Variants in SNX29 observed in about 807,000 individuals in gnomAD.
SNX29 encodes sorting nexin-29.
Under a neutral mutation model 102.1 loss-of-function variants are expected in SNX29, and 78 were observed. The ratio of observed to expected loss-of-function variants is 0.76; its 90% CI spans 0.64 to 0.92. The LOEUF (loss-of-function observed/expected upper bound fraction) is 0.92. Ranked by LOEUF, SNX29 falls within the 40% of genes least tolerant of loss-of-function variation. SNX29 has a pLI of 0.00. For synonymous variants in SNX29, 580 were observed against 414.5 expected (o/e 1.40, Z -4.85); for missense variants, 1,280 against 1,061.7 (o/e 1.21, Z -2.86).
chr16:12,321,204 C>A (rs975595239), intron 15 of SNX29, among the ~76,000 whole-genome samples: 1 of 152,166 alleles, frequency 6.6e-6, no homozygotes, highest in African/African-American at 2.4e-5. Context: ...AGTTACCACT[C>A]CTGCTCAGAC....
At chr16:12,079,393 A>C (rs753016934) in intron 11 of SNX29, among the ~76,000 whole-genome samples, 77 of 152,222 alleles carry the variant, frequency 5.1e-4, no homozygotes, top group Non-Finnish European at 8.8e-4. Context: ...GGCTTTGTAT[A>C]ACAAAGAATA....
At chr16:12,418,033 C>G (rs1469854199) in intron 18 of SNX29, among the ~76,000 whole-genome samples, 1 of 152,110 alleles carries the variant, frequency 6.6e-6, no homozygotes, top group Non-Finnish European at 1.5e-5. Flanking sequence ...CTCTGGGAAC[C>G]ACATGCAAAT....
intron 14 of SNX29, among the ~76,000 whole-genome samples, chr16:12,259,207 G>C (rs1405410827): frequency 3.9e-5 from 6 of 152,130 alleles, no homozygotes; most frequent in Non-Finnish European, 8.8e-5. Flanking sequence ...ATATCGTTCC[G>C]ATTTGTCAAG....
intron 14 of SNX29, among the ~76,000 whole-genome samples, chr16:12,209,582 C>G (rs1370729739): frequency 6.6e-6 from 1 of 152,178 alleles, no homozygotes; most frequent in Non-Finnish European, 1.5e-5. Context: ...CCTGGTGGGG[C>G]TCAACGGCTC....
chr16:12,468,815 C>T (rs940082925), intron 18 of SNX29, among the ~76,000 whole-genome samples: 1 of 152,196 alleles, frequency 6.6e-6, no homozygotes, highest in African/African-American at 2.4e-5. Flanking sequence ...AGGAGGAGTA[C>T]ACACCCTCAA....
rs1362637 is a variant in SNX29, at chr16:12,544,340, C to G, written c.2318+19499C>G. ...CCCAAAGTCATGAGGCAGGAAAAGT[C>G]AGTACTGTTGGAAAGGAGAAGTGAT... On this transcript the variant is annotated intron_variant, in intron 20 of 20. Transcript: ENST00000566228. Among the ~76,000 whole-genome samples, 656 of 152,250 alleles carry G rather than the reference C, an allele frequency of 4.3e-3. 6 individuals carry two copies. The highest frequency in any genetic ancestry group is 0.015 in the African/African-American group (621 of 41,544).
intron 18 of SNX29, among the ~76,000 whole-genome samples, chr16:12,412,058 G>T (rs2084417907): frequency 6.6e-6 from 1 of 152,196 alleles, no homozygotes; most frequent in African/African-American, 2.4e-5. Context: ...CTGGCACCTG[G>T]TGGGGAGACA....
intron 15 of SNX29, among the ~76,000 whole-genome samples, chr16:12,294,579 G>A (rs968650714): frequency 3.9e-5 from 6 of 152,202 alleles, no homozygotes; most frequent in East Asian, 3.9e-4. Context: ...TCATGCTGCC[G>A]CCATCATGGT....
intron 19 of SNX29, among the ~76,000 whole-genome samples, chr16:12,484,895 G>T (rs963662595): frequency 1.3e-5 from 2 of 152,184 alleles, no homozygotes; most frequent in African/African-American, 2.4e-5. Flanking sequence ...CTCTGCACCA[G>T]CATGGAAGCT....
At chr16:12,070,274 CCATTAACTCGT>C (rs2051234481) in intron 10 of SNX29, among the ~76,000 whole-genome samples, 1 of 150,148 alleles carries the variant, frequency 6.7e-6, no homozygotes, top group African/African-American at 2.5e-5. Context: ...TGTGCTGCAC[CCATTAACTCGT>C]CATTTAGCAT....
At chr16:12,375,647 T>C (rs1597135452) in intron 16 of SNX29, 1 of 152,398 alleles carries the variant, frequency 6.6e-6, no homozygotes, top group East Asian at 1.9e-4. Flanking sequence ...CTCGGTTTCT[T>C]GCCTATCCAG....
intron 13 of SNX29, chr16:12,135,445 G>T (rs2054624594): frequency 8.4e-7 from 1 of 1,192,798 alleles, no homozygotes; most frequent in Non-Finnish European, 1.1e-6. Context: ...CTCCATCCAT[G>T]AGGGCTTTAC....
intron 8 of SNX29, among the ~76,000 whole-genome samples, chr16:12,058,789 C>T (rs370349847): frequency 4.9e-5 from 7 of 143,108 alleles, no homozygotes; most frequent in African/African-American, 7.9e-5. Context: ...CCACAGCACC[C>T]GGCCTGGGTT....
rs2079226333 is a variant in SNX29, at chr16:12,573,306, C to T, written c.*4677C>T. On this transcript the variant is annotated 3_prime_UTR_variant, in exon 21 of 21. Coordinates refer to ENST00000566228, the MANE Select transcript of SNX29 (RefSeq NM_032167.5). ...CCATGAGCCATTGCCATCTTATGGG[C>T]CCGATTTGGGTACTCTGAATTATGT... The T allele has an allele frequency of 4.4e-6, 1 of 226,774 alleles. No homozygotes were observed. The highest frequency in any genetic ancestry group is 5.7e-5 in the Admixed American group (1 of 17,528). The allele number at this position is 226,774 out of a possible 1,614,324, so 14.0% of individuals were successfully genotyped here. A position where few individuals can be genotyped will look rare whatever the true frequency, so the allele number is the denominator to read the frequency against.
At chr16:12,271,337 G>A (rs550197619) in intron 14 of SNX29, among the ~76,000 whole-genome samples, 5 of 152,300 alleles carry the variant, frequency 3.3e-5, no homozygotes, top group East Asian at 1.9e-4. Context: ...TGTTGGCTGC[G>A]TGCATCAGTT....
At chr16:12,023,151 C>T (rs1212186351) in intron 3 of SNX29, among the ~76,000 whole-genome samples, 1 of 152,064 alleles carries the variant, frequency 6.6e-6, no homozygotes, top group African/African-American at 2.4e-5. Flanking sequence ...CCTGCCTTGG[C>T]CTCCCAAAGT....
At position 12,245,131 on chromosome 16, in the gene SNX29, G is replaced by A. The variant is rs547712841; in HGVS notation, c.1679-32802G>A. Among the ~76,000 whole-genome samples the A allele has an allele frequency of 7.0e-4, 106 of 152,268 alleles. 1 individual carries two copies. Among genetic ancestry groups the A allele is most frequent in the African/African-American group, 2.3e-3 (97 of 41,552 alleles). On this transcript the variant is annotated intron_variant, in intron 14 of 20. Transcript: ENST00000566228. ...GTATATTTAAATTGAACAATGGGAAGATTTTTGTTGTTGGATTCCTTAAGT... is the reference window on the plus strand; with the variant it reads ...GTATATTTAAATTGAACAATGGGAAAATTTTTGTTGTTGGATTCCTTAAGT...
intron 14 of SNX29, among the ~76,000 whole-genome samples, chr16:12,260,167 C>A (rs2078692284): frequency 6.6e-6 from 1 of 152,142 alleles, no homozygotes; most frequent in South Asian, 2.1e-4. Context: ...TTAAACCTAT[C>A]TTTTTTATCC....
intron 1 of SNX29, among the ~76,000 whole-genome samples, chr16:11,994,259 G>A (rs1172331104): frequency 2.6e-5 from 4 of 152,200 alleles, no homozygotes; most frequent in Non-Finnish European, 5.9e-5. Context: ...ACCCCTGGAG[G>A]TATTCCCTTG....
Sources: gnomAD v4.1 joint callset for allele counts (sites outside exome capture counted in the v4.1 genomes callset) on GRCh38, gnomAD v4.1.1 for gene constraint, MANE v1.5 for transcripts, NCBI Gene and HGNC (gene_info 2026-07-23, HGNC 2026-07-21) for gene names.